LRRK1: variants seen among roughly 807,000 people sequenced by gnomAD.
The protein encoded by LRRK1 is leucine-rich repeat serine/threonine-protein kinase 1.
In LRRK1, 113 loss-of-function variants were observed where a neutral mutation model predicts 209.1. The observed-to-expected ratio is 0.54, with a 90% confidence interval of 0.46 to 0.63. The LOEUF (loss-of-function observed/expected upper bound fraction) is 0.63. Among genes scored for constraint, LRRK1 ranks in the 30% least tolerant of loss-of-function variants. LRRK1 has a pLI of 0.00. For synonymous variants in LRRK1, 1,144 were observed against 1,099.7 expected (o/e 1.04, Z -0.80); for missense variants, 2,284 against 2,632.2 (o/e 0.87, Z 2.89).
intron 2 of LRRK1, among the ~76,000 whole-genome samples, chr15:100,929,547 G>A (rs977539833): frequency 4.1e-4 from 62 of 152,302 alleles, no homozygotes; most frequent in African/African-American, 1.5e-3. Context: ...CTGCCTTCCA[G>A]AAATAGAACT....
At chr15:100,966,185 A>T (rs920891414) in intron 2 of LRRK1, among the ~76,000 whole-genome samples, 1 of 152,222 alleles carries the variant, frequency 6.6e-6, no homozygotes. Flanking sequence ...ATACAAAACA[A>T]TAGTATTTTG....
chr15:101,050,642 A>G (rs1424005361), intron 23 of LRRK1: 3 of 152,506 alleles, frequency 2.0e-5, no homozygotes, highest in Admixed American at 6.5e-5. Context: ...ACCTGCATGC[A>G]ATGCCTGCAT....
intron 2 of LRRK1, among the ~76,000 whole-genome samples, chr15:100,965,085 G>A (rs76534094): frequency 0.016 from 2,391 of 152,278 alleles, 67 homozygotes; most frequent in African/African-American, 0.054. Context: ...GCTGCCTGCC[G>A]TCAGAGACAC....
intron 24 of LRRK1, 141 bp downstream of exon 24, chr15:101,052,101 CTT>C: frequency 1.0e-6 from 1 of 989,376 alleles, no homozygotes; most frequent in Non-Finnish European, 1.5e-6. Context: ...ATCTCAGTAC[CTT>C]TTAGGTTCCC....
intron 9 of LRRK1, among the ~76,000 whole-genome samples, chr15:101,011,728 G>C (rs571714762): frequency 4.9e-4 from 75 of 152,160 alleles, no homozygotes; most frequent in African/African-American, 1.8e-3. Flanking sequence ...GTCCTGAATT[G>C]TTCCATTATT....
At chr15:100,991,123 A>G (rs140920224) in intron 6 of LRRK1, among the ~76,000 whole-genome samples, 24 of 152,306 alleles carry the variant, frequency 1.6e-4, no homozygotes, top group African/African-American at 5.3e-4. Context: ...TTGAGATGTC[A>G]CCATTGGCAT....
chr15:100,951,270 A>G lies in LRRK1; in HGVS notation c.98-22534A>G, dbSNP rs1446778235. On this transcript the variant is annotated intron_variant, in intron 2 of 33. Coordinates refer to ENST00000388948, the MANE Select transcript of LRRK1 (RefSeq NM_024652.6). ...CTTCACACCCAACAGAAAGGACAAC[A>G]GAAAGACAGATGGAAAATGGCAAGC... is the stretch of plus-strand genomic sequence containing the variant. Among the ~76,000 whole-genome samples the G allele has an allele frequency of 3.3e-5, 5 of 152,354 alleles. No homozygotes were observed. In the East Asian group the frequency reaches 7.7e-4, roughly 24 times the overall value.
chr15:100,987,445 G>A (rs756275317), intron 4 of LRRK1, among the ~76,000 whole-genome samples: 11 of 152,110 alleles, frequency 7.2e-5, no homozygotes, highest in Admixed American at 1.3e-4. Context: ...CACTGCCCCC[G>A]TCAATTCAAT....
In LRRK1 at chr15:101,028,527, C is replaced by T. The variant is rs555067216; in HGVS notation, c.2687-429C>T. Among the ~76,000 whole-genome samples the T allele has an allele frequency of 2.0e-5, 3 of 152,342 alleles. No individual in the cohort carries two copies. In the South Asian group the frequency reaches 6.2e-4, roughly 32 times the overall value. ...GCACTGACATAGACCACTAAGCAGG[C>T]AGCTGTTTTCAGCATGAGAGCTGAG... On this transcript the variant is annotated intron_variant, in intron 19 of 33. Coordinates refer to ENST00000388948, the MANE Select transcript of LRRK1 (RefSeq NM_024652.6).
At chr15:101,026,820 G>A (rs1313565477) in intron 17 of LRRK1, among the ~76,000 whole-genome samples, 2 of 152,206 alleles carry the variant, frequency 1.3e-5, no homozygotes, top group Non-Finnish European at 1.5e-5. Context: ...GGGTATTGGT[G>A]CATGGGTCAG....
At chr15:101,057,956 AC>A in intron 28 of LRRK1, 33 bp from the exon 29 acceptor site, 1 of 1,612,396 alleles carries the variant, frequency 6.2e-7, no homozygotes, top group Non-Finnish European at 8.5e-7. Context: ...GTTGTAAGTG[AC>A]CTTGCTCTCT....
At chr15:100,934,011 C>T (rs192942565) in intron 2 of LRRK1, among the ~76,000 whole-genome samples, 22 of 152,086 alleles carry the variant, frequency 1.4e-4, no homozygotes, top group Admixed American at 3.9e-4. Context: ...CCCAGAGGAT[C>T]CTAATTGCCA....
At chr15:100,936,435 C>T (rs1157273897) in intron 2 of LRRK1, among the ~76,000 whole-genome samples, 1 of 152,232 alleles carries the variant, frequency 6.6e-6, no homozygotes, top group Non-Finnish European at 1.5e-5. Flanking sequence ...GCATGAACTC[C>T]ACAATGTCAT....
chr15:100,936,985 A>G (rs1174025772), intron 2 of LRRK1, among the ~76,000 whole-genome samples: 2 of 152,246 alleles, frequency 1.3e-5, no homozygotes, highest in South Asian at 4.1e-4. Context: ...TTTTCCAAGA[A>G]GCAGAATACA....
intron 2 of LRRK1, among the ~76,000 whole-genome samples, chr15:100,926,096 C>A (rs148109349): frequency 1.3e-5 from 2 of 152,348 alleles, no homozygotes; most frequent in African/African-American, 4.8e-5. Context: ...CGTTTCACAT[C>A]CATCACATTA....
intron 2 of LRRK1, among the ~76,000 whole-genome samples, chr15:100,959,685 A>G (rs1442831178): frequency 6.6e-6 from 1 of 152,140 alleles, no homozygotes; most frequent in African/African-American, 2.4e-5. Context: ...CTCTTTGTGT[A>G]TGTATTTTTT....
At chr15:100,997,347 G>A (rs79489996) in intron 6 of LRRK1, among the ~76,000 whole-genome samples, 7,036 of 152,192 alleles carry the variant, frequency 0.046, 207 homozygotes, top group Middle Eastern at 0.078. Flanking sequence ...GCTGATGATC[G>A]AATTTAATTT....
At chr15:100,924,837 A>C in intron 2 of LRRK1, 108 bp downstream of exon 2, 1 of 721,250 alleles carries the variant, frequency 1.4e-6, no homozygotes, top group South Asian at 1.9e-5. Flanking sequence ...GTGGAAATCA[A>C]ATGTCCATCA....
intron 3 of LRRK1, among the ~76,000 whole-genome samples, chr15:100,975,713 T>C (rs1474165496): frequency 6.6e-6 from 1 of 152,206 alleles, no homozygotes; most frequent in African/African-American, 2.4e-5. Context: ...ATATGGCTAA[T>C]ACCCTTCATT....
Sources: gnomAD v4.1 joint callset for allele counts (sites outside exome capture counted in the v4.1 genomes callset) on GRCh38, gnomAD v4.1.1 for gene constraint, MANE v1.5 for transcripts, NCBI Gene and HGNC (gene_info 2026-07-23, HGNC 2026-07-21) for gene names.